DAB1: variants seen among roughly 807,000 people sequenced by gnomAD.
DAB1 encodes the protein disabled homolog 1.
Under a neutral mutation model 64.6 loss-of-function variants are expected in DAB1, and 15 were observed. The ratio of observed to expected loss-of-function variants is 0.23; its 90% confidence interval spans 0.16 to 0.36. The LOEUF (loss-of-function observed/expected upper bound fraction) is 0.36. DAB1 is among the 10% of genes least tolerant of loss of function. The probability of loss-of-function intolerance (pLI) is 1.00; values close to 1 mark genes in which losing one functional copy is unlikely to be tolerated. For missense variants in DAB1, 596 were observed against 706.7 expected (o/e 0.84, Z 1.78); for synonymous variants, 235 against 251.9 (o/e 0.93, Z 0.64).
chr1:57,086,284 T>C (rs1446926199), intron 4 of DAB1, among the ~76,000 whole-genome samples: 2 of 152,082 alleles, frequency 1.3e-5, no homozygotes, highest in Admixed American at 1.3e-4. Flanking sequence ...TGCCCGTCGA[T>C]GGAAGCCATA....
At chr1:57,983,643 C>T (rs564911867) in intron 5 of DAB1, among the ~76,000 whole-genome samples, 4 of 152,276 alleles carry the variant, frequency 2.6e-5, no homozygotes, top group South Asian at 2.1e-4. Flanking sequence ...AGGACCCCAG[C>T]GCCGCTATTC....
Position 57,014,992 on chromosome 1 carries a change from A to C in DAB1, c.1335T>G (p.Ser445Arg), listed in dbSNP as rs762387257. 1.4e-5 allele frequency: 23 copies of C among 1,614,068 alleles called. No homozygotes were observed. Among genetic ancestry groups the C allele is most frequent in the Non-Finnish European group, 1.9e-5 (22 of 1,180,036 alleles). The change falls in exon 12 of 15, where the codon AGT (serine) becomes AGG (arginine). Residue 445 changes from serine to arginine, a missense_variant. This residue lies in a region of DAB1 where 377 missense variants were observed against 400.4 expected (regional missense o/e 0.94). Coordinates refer to ENST00000371236, the MANE Select transcript of DAB1 (RefSeq NM_001365792.1). ...SLTCTSEAFS[S>R]YFNKVGVAQD... ...GTGCCACCCCGACTTTGTTGAAGTA[A>C]CTGGAGAAGGCCTCTGAGGTACAGG...
intron 5 of DAB1, among the ~76,000 whole-genome samples, chr1:58,033,400 G>T (rs568666103): frequency 1.3e-5 from 2 of 152,178 alleles, no homozygotes; most frequent in East Asian, 3.9e-4. Context: ...CAACTTCACG[G>T]TTCCTTATGG....
At chr1:57,751,882 C>T (rs967047212) in intron 6 of DAB1, among the ~76,000 whole-genome samples, 2 of 152,276 alleles carry the variant, frequency 1.3e-5, no homozygotes, top group African/African-American at 4.8e-5. Context: ...TGTTTCCTCC[C>T]TGGAGAATTG....
At chr1:58,051,289 A>G (rs1647647580) in intron 5 of DAB1, among the ~76,000 whole-genome samples, 1 of 151,838 alleles carries the variant, frequency 6.6e-6, no homozygotes, top group African/African-American at 2.4e-5. Flanking sequence ...CTGAGTGAGA[A>G]CATGTGGTGT....
chr1:57,065,232 A>G (rs981514696), intron 8 of DAB1, among the ~76,000 whole-genome samples: 47 of 152,150 alleles, frequency 3.1e-4, no homozygotes, highest in Non-Finnish European at 7.3e-5. Flanking sequence ...TTGATTCTCT[A>G]GGCCTTGTTT....
intron 7 of DAB1, among the ~76,000 whole-genome samples, chr1:57,614,026 G>A (rs886279079): frequency 6.6e-6 from 1 of 152,094 alleles, no homozygotes; most frequent in African/African-American, 2.4e-5. Context: ...GTTTCCACAG[G>A]GACCTGGCAT....
chr1:57,388,934 T>C (rs926871600), intron 1 of DAB1, among the ~76,000 whole-genome samples: 8 of 152,268 alleles, frequency 5.3e-5, no homozygotes, highest in Non-Finnish European at 1.2e-4. Flanking sequence ...TGGCCTCTTC[T>C]TTCATTCAGG....
chr1:57,892,593 C>G (rs2101984296), intron 5 of DAB1, among the ~76,000 whole-genome samples: 1 of 152,298 alleles, frequency 6.6e-6, no homozygotes, highest in Non-Finnish European at 1.5e-5. Context: ...CAAGTTGTCT[C>G]TGAAGTCTGT....
At chr1:58,145,613 G>C (rs201268607) in intron 5 of DAB1, among the ~76,000 whole-genome samples, 1 of 152,190 alleles carries the variant, frequency 6.6e-6, no homozygotes, top group Admixed American at 6.5e-5. Context: ...TCATTTTACA[G>C]ATGGGGAAGT....
At chr1:57,997,684 T>G (rs1322190103) in intron 5 of DAB1, among the ~76,000 whole-genome samples, 1 of 152,006 alleles carries the variant, frequency 6.6e-6, no homozygotes, top group Non-Finnish European at 1.5e-5. Context: ...CTAGGGAGAA[T>G]AGAAGTGGGG....
At chr1:58,472,557 T>C (rs1256490517) in intron 3 of DAB1, among the ~76,000 whole-genome samples, 2 of 152,178 alleles carry the variant, frequency 1.3e-5, no homozygotes, top group African/African-American at 4.8e-5. Flanking sequence ...AGCTTGACCA[T>C]GGGTGCTCTA....
intron 1 of DAB1, among the ~76,000 whole-genome samples, chr1:57,346,691 G>T (rs1678133046): frequency 6.6e-6 from 1 of 152,172 alleles, no homozygotes; most frequent in East Asian, 1.9e-4. Context: ...GAGTATAGAA[G>T]CTCCTCTGAA....
At chr1:58,475,189 T>G (rs562964841) in intron 3 of DAB1, among the ~76,000 whole-genome samples, 1 of 152,326 alleles carries the variant, frequency 6.6e-6, no homozygotes, top group African/African-American at 2.4e-5. Context: ...TGAGTCTTGC[T>G]CTGTCACTCA....
chr1:58,142,830 C>G (rs970322792), intron 5 of DAB1, among the ~76,000 whole-genome samples: 1 of 152,208 alleles, frequency 6.6e-6, no homozygotes, highest in African/African-American at 2.4e-5. Context: ...CAGCCAGAGC[C>G]TTTTCTTTAT....
chr1:58,103,341 A>G (rs1651437987), intron 5 of DAB1, among the ~76,000 whole-genome samples: 1 of 152,134 alleles, frequency 6.6e-6, no homozygotes, highest in South Asian at 2.1e-4. Flanking sequence ...TTTCTCCGTA[A>G]AGGGCCTGGG....
intron 4 of DAB1, among the ~76,000 whole-genome samples, chr1:57,134,677 G>C (rs560758862): frequency 9.9e-5 from 15 of 151,996 alleles, no homozygotes; most frequent in Non-Finnish European, 1.9e-4. Flanking sequence ...AGTTTAAAAA[G>C]AAAAAGAATA....
chr1:58,025,688 G>C (rs1273806376), intron 5 of DAB1, among the ~76,000 whole-genome samples: 1 of 86,208 alleles, frequency 1.2e-5, no homozygotes, highest in African/African-American at 5.1e-5. Flanking sequence ...TATATATATG[G>C]CCTTTAATCA....
At chr1:58,213,190 T>C (rs1378681474) in intron 4 of DAB1, among the ~76,000 whole-genome samples, 1 of 152,204 alleles carries the variant, frequency 6.6e-6, no homozygotes, top group East Asian at 1.9e-4. Flanking sequence ...GTTATATGGC[T>C]TCAGGCAACT....
Sources: gnomAD v4.1 joint callset for allele counts (sites outside exome capture counted in the v4.1 genomes callset) on GRCh38, gnomAD v4.1.1 for gene constraint, gnomAD v4.1.1 regional missense constraint, MANE v1.5 for transcripts, NCBI Gene and HGNC (gene_info 2026-07-23, HGNC 2026-07-21) for gene names.